Variants in SNX8 observed in about 807,000 individuals in gnomAD.
SNX8 encodes the protein sorting nexin 8.
A neutral mutation model predicts 51.6 loss-of-function variants in SNX8; 25 were observed. That is an observed-to-expected ratio of 0.48 (90% CI 0.35 to 0.68). The LOEUF is 0.68. Among genes scored for constraint, SNX8 ranks in the 30% least tolerant of loss-of-function variants. SNX8 has a pLI of 0.00. For missense variants in SNX8, 695 were observed against 624.0 expected, an observed-to-expected ratio of 1.11 and a Z score of -1.21; for synonymous variants, 324 against 277.0, an observed-to-expected ratio of 1.17 and a Z score of -1.68.
intron 10 of SNX8, 70 bp downstream of exon 10, chr7:2,256,804 G>A: frequency 1.3e-6 from 2 of 1,519,688 alleles, no homozygotes; most frequent in Non-Finnish European, 1.8e-6. Flanking sequence ...GCGCTGCCGG[G>A]CTTGAAGGAA....
chr7:2,302,955 C>T (rs1206654258), intron 1 of SNX8, among the ~76,000 whole-genome samples: 13 of 151,540 alleles, frequency 8.6e-5, no homozygotes, highest in African/African-American at 2.9e-4. Context: ...GCAGCCACCC[C>T]GTCTGGGAAG....
intron 3 of SNX8, among the ~76,000 whole-genome samples, chr7:2,273,263 A>G (rs1246324883): frequency 4.6e-5 from 7 of 151,794 alleles, no homozygotes; most frequent in African/African-American, 1.5e-4. Flanking sequence ...CAGCCTGGCC[A>G]GCGTAGCGAA....
At chr7:2,325,324 G>T (rs1194175104) in intron 1 of SNX8, among the ~76,000 whole-genome samples, 3 of 152,156 alleles carry the variant, frequency 2.0e-5, no homozygotes, top group Non-Finnish European at 4.4e-5. Flanking sequence ...AAGTTTTGAG[G>T]TGGATACAGA....
chr7:2,269,649 G>C lies in SNX8; in HGVS notation c.541-10C>G. On this transcript the variant is annotated splice_polypyrimidine_tract_variant and intron_variant, in intron 4 of 10. Transcript: ENST00000222990. ...ACTTGTTCTGCACATCCTGCAAAAG[G>C]AAAACACACAGCTTCACCCTCTTCT... The C allele has an allele frequency of 6.3e-7, 1 of 1,581,526 alleles. No homozygotes were observed. The highest frequency in any genetic ancestry group is 8.6e-7 in the Non-Finnish European group (1 of 1,163,022).
At chr7:2,267,386 T>C (rs963152121) in intron 5 of SNX8, among the ~76,000 whole-genome samples, 8 of 128,184 alleles carry the variant, frequency 6.2e-5, no homozygotes, top group Non-Finnish European at 1.3e-4. Context: ...GAAGCTGGAC[T>C]GTACTGCTGC....
upstream of SNX8, among the ~76,000 whole-genome samples, chr7:2,316,853 G>T (rs1796766444): frequency 6.6e-6 from 1 of 152,232 alleles, no homozygotes; most frequent in African/African-American, 2.4e-5. Context: ...ACTCAGGTTT[G>T]CTGGCTGCCA....
At chr7:2,257,098 C>T (rs1795205032) in intron 9 of SNX8, 75 bp from the exon 10 acceptor site, 6 of 1,469,194 alleles carry the variant, frequency 4.1e-6, no homozygotes, top group African/African-American at 1.4e-5. Flanking sequence ...CACCAGCGTG[C>T]TCCCTGAGCC....
rs183976645 is a variant in SNX8 at position 2,262,522 on chromosome 7, C to T, written c.915+708G>A. Among the ~76,000 whole-genome samples, 221 of 132,834 alleles carry T rather than the reference C, an allele frequency of 1.7e-3. 1 individual carries two copies. The highest frequency in any genetic ancestry group is 2.5e-3 in the Non-Finnish European group (149 of 60,578). 87.1% of individuals were successfully genotyped at this position (132,834 alleles called of 152,430 possible). A position where few individuals can be genotyped will look rare whatever the true frequency, so the allele number is the denominator to read the frequency against. On this transcript the variant is annotated intron_variant, in intron 7 of 10. Coordinates refer to ENST00000222990, the MANE Select transcript of SNX8 (RefSeq NM_013321.4). ...TGTGGAGCGGGAGGTGGGAGCCGCT[C>T]AGGTGCTGGGGCTTTATTATTCTGA...
chr7:2,290,258 T>C (rs1236236178), intron 1 of SNX8, among the ~76,000 whole-genome samples: 2 of 152,082 alleles, frequency 1.3e-5, no homozygotes, highest in Non-Finnish European at 2.9e-5. Flanking sequence ...CCCAGCACTT[T>C]TGGAGGCCAA....
rs756365601 is a variant in SNX8, at chr7:2,264,472, G to T, written c.622-14C>A. 1.9e-6 allele frequency: 3 copies of T among 1,605,856 alleles called. No homozygotes were observed. The highest frequency in any genetic ancestry group is 2.5e-6 in the Non-Finnish European group (3 of 1,177,784). ...TGGGAGGAAGTCCTGACATCATGAT[G>T]GGGGGAGAGACACTGTGTTAGTCGC... On this transcript the variant is annotated splice_polypyrimidine_tract_variant and intron_variant, in intron 5 of 10. Transcript: ENST00000222990.
rs1157555348 is a variant in SNX8, at chr7:2,327,696, C to T, written c.-66+26526G>A. Among the ~76,000 whole-genome samples the T allele has an allele frequency of 4.6e-5, 7 of 151,006 alleles. No homozygotes were observed. In the East Asian group the frequency reaches 5.9e-4, roughly 13 times the overall value. ...TGCTGGGATTACAGGCGTGAGCCAT[C>T]GCACCCGGCCTAATTTTTTGTATTT... is the stretch of plus-strand genomic sequence containing the variant. On this transcript the variant is annotated intron_variant, in intron 1 of 5. Coordinates refer to the SNX8 transcript ENST00000435336.
At position 2,253,195 on chromosome 7, in the gene SNX8, G is replaced by T. The variant is rs1286433865; in HGVS notation, c.*1861C>A. ...TCACTGACCCCGGAGTCCCTGCCAGGAAAGCTCCTTCAGAAAAGCTCATTC... is the reference window on the plus strand; with the variant it reads ...TCACTGACCCCGGAGTCCCTGCCAGTAAAGCTCCTTCAGAAAAGCTCATTC... On this transcript the variant is annotated 3_prime_UTR_variant, in exon 11 of 11. Transcript: ENST00000222990. The T allele has an allele frequency of 6.5e-6, 1 of 154,388 alleles. No individual in the cohort carries two copies. Among genetic ancestry groups the T allele is most frequent in the Non-Finnish European group, 1.5e-5 (1 of 68,318 alleles). 9.6% of individuals were successfully genotyped at this position (154,388 alleles called of 1,614,324 possible).
At chr7:2,345,444 G>A (rs1779003418) in intron 1 of SNX8, among the ~76,000 whole-genome samples, 2 of 152,152 alleles carry the variant, frequency 1.3e-5, no homozygotes, top group African/African-American at 2.4e-5. Context: ...TTGGGAGGCT[G>A]AGGCAGGCAG....
chr7:2,341,766 C>T (rs2064473483), intron 1 of SNX8, among the ~76,000 whole-genome samples: 1 of 151,984 alleles, frequency 6.6e-6, no homozygotes, highest in South Asian at 2.1e-4. Context: ...GCAGGCAGAT[C>T]ACCTGAGGTC....
intron 7 of SNX8, among the ~76,000 whole-genome samples, chr7:2,258,466 AGACCCCCC>A (rs1345008583): frequency 6.6e-6 from 1 of 151,506 alleles, no homozygotes; most frequent in Non-Finnish European, 1.5e-5. Context: ...CAGATGCCCC[AGACCCCCC>A]GACCCCTAAG....
At chr7:2,320,017 T>C (rs1796809009) in intron 1 of SNX8, among the ~76,000 whole-genome samples, 1 of 151,994 alleles carries the variant, frequency 6.6e-6, no homozygotes. Context: ...CCGTAAATCG[T>C]TATACAAGTA....
At chr7:2,298,670 T>C (rs1309970647) in intron 1 of SNX8, among the ~76,000 whole-genome samples, 2 of 150,770 alleles carry the variant, frequency 1.3e-5, no homozygotes, top group African/African-American at 2.4e-5. Context: ...ACACCCAACC[T>C]GGGTTTTGGT....
intron 1 of SNX8, among the ~76,000 whole-genome samples, chr7:2,308,730 T>C (rs1018664361): frequency 6.8e-6 from 1 of 147,430 alleles, no homozygotes; most frequent in Non-Finnish European, 1.5e-5. Flanking sequence ...GTTTTGTCCC[T>C]AATGCAAACA....
At chr7:2,272,768 G>A (rs1050490288) in intron 3 of SNX8, among the ~76,000 whole-genome samples, 4 of 151,880 alleles carry the variant, frequency 2.6e-5, no homozygotes, top group Admixed American at 6.6e-5. Context: ...ACTCCAAGGG[G>A]AAAAAAAGTA....
Sources: allele counts gnomAD v4.1 joint callset (sites outside exome capture counted in the v4.1 genomes callset), GRCh38; gene constraint gnomAD v4.1.1; transcripts MANE v1.5; gene names NCBI Gene and HGNC (gene_info 2026-07-23, HGNC 2026-07-21).